The following ERG variants were observed in gnomAD, a reference collection of about 807,000 sequenced individuals.
The protein encoded by ERG is ETS transcription factor ERG, also known as transcriptional regulator ERG.
In ERG, 9 loss-of-function variants were observed where a neutral mutation model predicts 55.3. The observed-to-expected ratio is 0.16, with a 90% CI of 0.10 to 0.28. The LOEUF (loss-of-function observed/expected upper bound fraction) is 0.28. ERG is among the 10% of genes least tolerant of loss of function. The pLI is 1.00. For synonymous variants in ERG, 223 were observed against 237.3 expected (o/e 0.94, Z 0.55); for missense variants, 434 against 631.6 (o/e 0.69, Z 3.35).
At chr21:38,429,273 T>C (rs999694610) in intron 2 of ERG, among the ~76,000 whole-genome samples, 3 of 151,154 alleles carry the variant, frequency 2.0e-5, no homozygotes, top group Non-Finnish European at 4.4e-5. Context: ...CACACACGCA[T>C]ATATACACAT....
intron 2 of ERG, among the ~76,000 whole-genome samples, chr21:38,433,131 G>A (rs1051056683): frequency 3.9e-5 from 6 of 152,180 alleles, no homozygotes; most frequent in African/African-American, 7.2e-5. Context: ...GCAGTTAAGC[G>A]TTCTATGCTT....
At chr21:38,490,252 G>GA (rs374395625) in intron 1 of ERG, among the ~76,000 whole-genome samples, 45 of 145,388 alleles carry the variant, frequency 3.1e-4, no homozygotes, top group East Asian at 7.9e-4. Context: ...TGTAGAAATT[G>GA]AAAAAAAAAA....
intron 1 of ERG, among the ~76,000 whole-genome samples, chr21:38,490,597 T>C (rs891754406): frequency 6.6e-6 from 1 of 152,182 alleles, no homozygotes; most frequent in African/African-American, 2.4e-5. Flanking sequence ...CCTCCCCGGT[T>C]TGAAGATCCG....
rs1440185744 is a variant in ERG, at chr21:38,460,701, G to C, written c.19-15080C>G. Among the ~76,000 whole-genome samples the C allele has an allele frequency of 1.3e-5, 2 of 152,150 alleles. No homozygotes were observed. The highest frequency in any genetic ancestry group is 2.9e-5 in the Non-Finnish European group (2 of 68,020). On this transcript the variant is annotated intron_variant, in intron 1 of 9. Transcript: ENST00000288319. This position sits in a 1 kb window ranked among gnomAD's most constrained non-coding sequence, Gnocchi z 5.0. Reference sequence around the variant, plus strand: ...GCTCCCACCCACCCATCCACTAATAGGGCAGCCTTTAGGGAAACTGACTTG... The same window carrying C: ...GCTCCCACCCACCCATCCACTAATACGGCAGCCTTTAGGGAAACTGACTTG...
intron 2 of ERG, among the ~76,000 whole-genome samples, chr21:38,439,045 T>C (rs1229165079): frequency 6.6e-6 from 1 of 152,082 alleles, no homozygotes; most frequent in Non-Finnish European, 1.5e-5. Context: ...GAATCAAACA[T>C]GGCAATGGCT....
chr21:38,433,724 G>A lies in ERG; in HGVS notation c.237-10163C>T, dbSNP rs149518826. On this transcript the variant is annotated intron_variant, in intron 2 of 9. Coordinates refer to ENST00000288319, the MANE Select transcript of ERG (RefSeq NM_182918.4). ...ATCCCAGAGGGGCAGCCCCAAGCTC[G>A]CTGGCCACATTAAATCTGATTCACC... is the stretch of plus-strand genomic sequence containing the variant. 3.3e-3 allele frequency among the ~76,000 whole-genome samples: 499 copies of A among 152,224 alleles called. 3 individuals carry two copies. The highest frequency in any genetic ancestry group is 0.014 in the South Asian group (67 of 4,828).
rs541602860 is a variant in ERG at position 38,626,428 on chromosome 21, A to G, written c.-150+35230T>C. ...TAAAATTTTAGAGCAAGTTGACATC[A>G]CTGTGACATCAGTATGAGCTCAGTG... is the stretch of plus-strand genomic sequence containing the variant. On this transcript the variant is annotated intron_variant, in intron 1 of 10. Transcript: ENST00000398910. Among the ~76,000 whole-genome samples the G allele has an allele frequency of 3.3e-5, 5 of 152,302 alleles. No homozygotes were observed. In the South Asian group the frequency reaches 8.3e-4, roughly 25 times the overall value.
chr21:38,466,155 A>G (rs751434743), intron 1 of ERG, among the ~76,000 whole-genome samples: 1 of 152,200 alleles, frequency 6.6e-6, no homozygotes, highest in Admixed American at 6.5e-5. Context: ...AATAATACAT[A>G]ATAGGCTGCA....
intron 3 of ERG, among the ~76,000 whole-genome samples, chr21:38,408,863 T>C (rs1196122345): frequency 6.6e-6 from 1 of 152,156 alleles, no homozygotes; most frequent in Non-Finnish European, 1.5e-5. Flanking sequence ...GCATCACCTT[T>C]GCCTATGTTT....
chr21:38,542,972 A>T (rs948629111), intron 2 of ERG, among the ~76,000 whole-genome samples: 2 of 152,126 alleles, frequency 1.3e-5, no homozygotes, highest in African/African-American at 4.8e-5. Flanking sequence ...GCAGGAGGCC[A>T]TTGTGTTTCT....
intron 1 of ERG, among the ~76,000 whole-genome samples, chr21:38,602,226 C>T (rs890544552): frequency 3.3e-5 from 5 of 152,046 alleles, no homozygotes; most frequent in Admixed American, 1.3e-4. Flanking sequence ...AGGTGGATCA[C>T]GAGGTCAGCA....
upstream of ERG, among the ~76,000 whole-genome samples, chr21:38,499,984 TC>T (rs989780687): frequency 1.3e-5 from 2 of 152,188 alleles, no homozygotes; most frequent in African/African-American, 4.8e-5. Flanking sequence ...GGTGTTGATT[TC>T]CGCTCTTTTC....
chr21:38,392,790 T>C (rs1427140699), intron 6 of ERG, among the ~76,000 whole-genome samples: 1 of 152,226 alleles, frequency 6.6e-6, no homozygotes, highest in Non-Finnish European at 1.5e-5. Flanking sequence ...TCTGTCTCTT[T>C]ATTATCTTCA....
chr21:38,624,339 T>C (rs1018912970), intron 1 of ERG, among the ~76,000 whole-genome samples: 2 of 152,192 alleles, frequency 1.3e-5, no homozygotes, highest in Admixed American at 6.5e-5. Flanking sequence ...AAATACCTAA[T>C]GCATGCAGGG....
At chr21:38,634,783 A>G (rs1345266102) in intron 1 of ERG, among the ~76,000 whole-genome samples, 1 of 152,236 alleles carries the variant, frequency 6.6e-6, no homozygotes, top group Non-Finnish European at 1.5e-5. Context: ...AATCTCAATA[A>G]TGATTACAAT....
chr21:38,546,879 T>C (rs1425456757), intron 2 of ERG, among the ~76,000 whole-genome samples: 1 of 152,202 alleles, frequency 6.6e-6, no homozygotes, highest in East Asian at 1.9e-4. Context: ...CTCAGCTGAA[T>C]ATTTCTTAAG....
chr21:38,508,555 T>C (rs2059487629), intron 2 of ERG, among the ~76,000 whole-genome samples: 1 of 152,228 alleles, frequency 6.6e-6, no homozygotes, highest in Non-Finnish European at 1.5e-5. Flanking sequence ...AACTTAGTCC[T>C]TGTAATTTTC....
chr21:38,617,287 C>T (rs2060264608), intron 1 of ERG, among the ~76,000 whole-genome samples: 2 of 152,094 alleles, frequency 1.3e-5, no homozygotes, highest in Admixed American at 6.5e-5. Context: ...GGAAACACAC[C>T]TCAGGCATGA....
chr21:38,519,283 G>A (rs529953032), intron 2 of ERG, among the ~76,000 whole-genome samples: 3 of 152,278 alleles, frequency 2.0e-5, no homozygotes, highest in South Asian at 2.1e-4. Flanking sequence ...AACGGTAAAG[G>A]TAGAATTTAG....
Sources: gnomAD v4.1 joint callset for allele counts (sites outside exome capture counted in the v4.1 genomes callset) on GRCh38, gnomAD v4.1.1 for gene constraint, Gnocchi (gnomAD v3.1) non-coding constraint, MANE v1.5 for transcripts, NCBI Gene and HGNC (gene_info 2026-07-23, HGNC 2026-07-21) for gene names.